Variants in SYT2 observed in about 807,000 individuals in gnomAD.
The protein encoded by SYT2 is synaptotagmin 2.
A neutral mutation model predicts 39.9 loss-of-function variants in SYT2; 15 were observed. The observed-to-expected ratio is 0.38, with a 90% CI of 0.25 to 0.58. The LOEUF (loss-of-function observed/expected upper bound fraction) is 0.58. Ranked by LOEUF, SYT2 falls within the 20% of genes least tolerant of loss-of-function variation. The probability of loss-of-function intolerance (pLI) is 0.70; values close to 1 mark genes in which losing one functional copy is unlikely to be tolerated. For missense variants in SYT2, 389 were observed against 530.3 expected (o/e 0.73, Z 2.62); for synonymous variants, 181 against 204.5 (o/e 0.89, Z 0.98).
rs1690427361 is a variant in SYT2 at position 202,599,657 on chromosome 1, G to A, written c.920-306C>T. Among the ~76,000 whole-genome samples the A allele has an allele frequency of 6.6e-6, 1 of 152,168 alleles. No individual in the cohort carries two copies. The highest frequency in any genetic ancestry group is 1.5e-5 in the Non-Finnish European group (1 of 68,020). ...TCTGTGATCCTGTACTGGGGAGTGG[G>A]TGGGGAGTGCTGAAGTCAGGACACA... On this transcript the variant is annotated intron_variant, in intron 7 of 8. Transcript: ENST00000367268. The surrounding 1 kb of genome is among the most constrained non-coding windows in gnomAD (Gnocchi z 4.4).
rs1398661081 is a variant in SYT2, at chr1:202,614,505, A to G, written c.-17-8716T>C. ...TCACTCAAGTATTTACTGAGCTCAT[A>G]TCATGCTTCCCTCATGGAATTTACC... is the stretch of plus-strand genomic sequence containing the variant. On this transcript the variant is annotated intron_variant, in intron 1 of 8. Transcript: ENST00000367268. This position sits in a 1 kb window ranked among gnomAD's most constrained non-coding sequence, Gnocchi z 4.0. 6.6e-6 allele frequency among the ~76,000 whole-genome samples: 1 copy of G among 152,238 alleles called. No homozygotes were observed. Among genetic ancestry groups the G allele is most frequent in the Admixed American group, 6.5e-5 (1 of 15,286 alleles).
intron 1 of SYT2, among the ~76,000 whole-genome samples, chr1:202,695,553 C>T (rs1558464771): frequency 6.6e-6 from 1 of 152,158 alleles, no homozygotes; most frequent in Admixed American, 6.5e-5. Context: ...TAATTGAACT[C>T]GATTTGATTG....
At position 202,599,167 on chromosome 1, in the gene SYT2, G is replaced by A. The variant is rs1262156713; in HGVS notation, c.1053+51C>T. 10 of 1,602,722 alleles carry A rather than the reference G, an allele frequency of 6.2e-6. No individual in the cohort carries two copies. The highest frequency in any genetic ancestry group is 2.7e-5 in the African/African-American group (2 of 73,994). ...CCCTCTCTTCAACCTCCCCATACAT[G>A]TTTGCCTCCCCAAACCCTGCTCCAT... On this transcript the variant is annotated intron_variant, in intron 8 of 8. Coordinates refer to ENST00000367268, the MANE Select transcript of SYT2 (RefSeq NM_177402.5). The surrounding 1 kb of genome is among the most constrained non-coding windows in gnomAD (Gnocchi z 4.4).
chr1:202,659,011 C>G (rs1296813557), intron 1 of SYT2, among the ~76,000 whole-genome samples: 1 of 152,140 alleles, frequency 6.6e-6, no homozygotes, highest in Non-Finnish European at 1.5e-5. Context: ...GAGGCAGAGG[C>G]CTTTAGACTC....
chr1:202,709,911 G>GGA (rs1247093818), intron 1 of SYT2, among the ~76,000 whole-genome samples: 3 of 152,136 alleles, frequency 2.0e-5, no homozygotes, highest in Non-Finnish European at 2.9e-5. Context: ...CCCAGGGAAA[G>GGA]GAGAGAGGGA....
intron 1 of SYT2, among the ~76,000 whole-genome samples, chr1:202,668,813 C>T (rs1271427799): frequency 6.6e-6 from 1 of 152,202 alleles, no homozygotes; most frequent in East Asian, 1.9e-4. Flanking sequence ...GGCATCTCCT[C>T]AAAGACAGGG....
chr1:202,701,379 T>C (rs773786712), intron 1 of SYT2, among the ~76,000 whole-genome samples: 34 of 152,360 alleles, frequency 2.2e-4, no homozygotes, highest in Non-Finnish European at 3.8e-4. Context: ...CACTGTTCAG[T>C]TGCTTGAGAA....
At chr1:202,700,210 C>T (rs1654077900) in intron 1 of SYT2, among the ~76,000 whole-genome samples, 1 of 152,140 alleles carries the variant, frequency 6.6e-6, no homozygotes, top group Admixed American at 6.5e-5. Flanking sequence ...TCCCTGGGCT[C>T]CCTCCACCCC....
At chr1:202,617,688 C>T (rs1298756396) in intron 1 of SYT2, among the ~76,000 whole-genome samples, 1 of 152,164 alleles carries the variant, frequency 6.6e-6, no homozygotes, top group Middle Eastern at 3.2e-3. Context: ...CCTACCCCCG[C>T]ATCAAGGCCT....
At chr1:202,600,569 ATGTGTCCCTGCCTCC>A in intron 6 of SYT2, 95 bp from the exon 7 acceptor site, 1 of 1,089,434 alleles carries the variant, frequency 9.2e-7, no homozygotes, top group Non-Finnish European at 1.4e-6. Context: ...CAAGGCAGTG[ATGTGTCCCTGCCTCC>A]CTCATCACCA....
intron 1 of SYT2, among the ~76,000 whole-genome samples, chr1:202,699,596 A>C (rs141291930): frequency 1.4e-3 from 220 of 152,340 alleles, no homozygotes; most frequent in African/African-American, 4.9e-3. Context: ...TGTACTCTAA[A>C]ACTGGATTGT....
chr1:202,646,274 A>G (rs1692079645), intron 1 of SYT2, among the ~76,000 whole-genome samples: 1 of 152,056 alleles, frequency 6.6e-6, no homozygotes, highest in Non-Finnish European at 1.5e-5. Context: ...CAGGGCCCAA[A>G]GGGCCATGCT....
chr1:202,597,732 TG>T (rs1461599347), intron 8 of SYT2, among the ~76,000 whole-genome samples: 2 of 151,560 alleles, frequency 1.3e-5, no homozygotes, highest in Non-Finnish European at 2.9e-5. Flanking sequence ...GGAGGAGGAG[TG>T]GGCCTAATGG....
intron 1 of SYT2, among the ~76,000 whole-genome samples, chr1:202,675,666 C>A (rs1653347313): frequency 6.6e-6 from 1 of 152,198 alleles, no homozygotes; most frequent in Non-Finnish European, 1.5e-5. Flanking sequence ...GGGACATACT[C>A]ATTCACTGAT....
At chr1:202,675,744 G>A (rs888933621) in intron 1 of SYT2, among the ~76,000 whole-genome samples, 4 of 152,062 alleles carry the variant, frequency 2.6e-5, no homozygotes, top group African/African-American at 9.7e-5. Flanking sequence ...TCCTCTAACC[G>A]GTCCAAGCAG....
chr1:202,670,993 T>C (rs1692577340), intron 1 of SYT2, among the ~76,000 whole-genome samples: 1 of 152,194 alleles, frequency 6.6e-6, no homozygotes, highest in Admixed American at 6.5e-5. Flanking sequence ...TCTGTTCACC[T>C]GGTCAGGGTT....
At chr1:202,644,454 C>T (rs1257293286) in intron 1 of SYT2, among the ~76,000 whole-genome samples, 2 of 152,172 alleles carry the variant, frequency 1.3e-5, no homozygotes, top group South Asian at 2.1e-4. Flanking sequence ...GGGCCTCACC[C>T]TCAACCCCCA....
At position 202,665,198 on chromosome 1, in the gene SYT2, A is replaced by G. The variant is rs577972811; in HGVS notation, c.-18+45060T>C. Among the ~76,000 whole-genome samples, 57 of 152,310 alleles carry G rather than the reference A, an allele frequency of 3.7e-4. 2 individuals are homozygous for G. The East Asian group carries it at 0.011, about 28-fold the overall frequency. On this transcript the variant is annotated intron_variant, in intron 1 of 8. Transcript: ENST00000367268. ...GGTCCCTGGGATGAAAGTGATGAGG[A>G]GGAAAAGGGCAACAATGACAACAAC...
At chr1:202,657,595 G>A (rs1692301222) in intron 1 of SYT2, among the ~76,000 whole-genome samples, 1 of 152,144 alleles carries the variant, frequency 6.6e-6, no homozygotes, top group South Asian at 2.1e-4. Context: ...ACACTGGAGA[G>A]CTGTGAGATC....
Sources: allele counts gnomAD v4.1 joint callset (sites outside exome capture counted in the v4.1 genomes callset), GRCh38; gene constraint gnomAD v4.1.1; non-coding constraint Gnocchi (gnomAD v3.1); transcripts MANE v1.5; gene names NCBI Gene and HGNC (gene_info 2026-07-23, HGNC 2026-07-21).